Variants in ARK2N observed in about 807,000 individuals in gnomAD.
ARK2N encodes the protein protein ARK2N.
the ARK2N span, among the ~76,000 whole-genome samples, chr18:46,195,900 A>G: frequency 6.6e-6 from 1 of 151,642 alleles, no homozygotes; most frequent in African/African-American, 2.4e-5. Flanking sequence ...AAGAAACCCA[A>G]CCATTATACC....
chr18:46,198,140 A>G, the ARK2N span, among the ~76,000 whole-genome samples: 17 of 151,838 alleles, frequency 1.1e-4, no homozygotes, highest in African/African-American at 3.9e-4. Context: ...TGTCTCTACT[A>G]AAAATACAAA....
chr18:46,185,733 T>C, the ARK2N span, among the ~76,000 whole-genome samples: 1 of 152,316 alleles, frequency 6.6e-6, no homozygotes, highest in Non-Finnish European at 1.5e-5. Context: ...ATGCCTGTAA[T>C]CCCAGTACTT....
At chr18:46,234,772 G>C in the ARK2N span, among the ~76,000 whole-genome samples, 3 of 152,096 alleles carry the variant, frequency 2.0e-5, no homozygotes, top group African/African-American at 7.2e-5. Context: ...GGTGTTGTGT[G>C]GATAACAGAA....
chr18:46,187,268 C>T, the ARK2N span, among the ~76,000 whole-genome samples: 7 of 150,336 alleles, frequency 4.7e-5, no homozygotes, highest in Non-Finnish European at 7.4e-5. Context: ...GGTGACAGAG[C>T]GAGACTCTGT....
chr18:46,252,533 C>CA, the ARK2N span, among the ~76,000 whole-genome samples: 1 of 152,050 alleles, frequency 6.6e-6, no homozygotes, highest in South Asian at 2.1e-4. Flanking sequence ...CTTGGCCTCC[C>CA]AAAGTGCTGG....
At chr18:46,178,888 T>C in the ARK2N span, among the ~76,000 whole-genome samples, 1 of 136,072 alleles carries the variant, frequency 7.3e-6, no homozygotes, top group African/African-American at 3.0e-5. Flanking sequence ...CCTGAGACTC[T>C]TTCTCAAAAA....
chr18:46,182,483 C>A, the ARK2N span, among the ~76,000 whole-genome samples: 1 of 152,208 alleles, frequency 6.6e-6, no homozygotes, highest in East Asian at 1.9e-4. Context: ...GTAGCTCACA[C>A]CTGTAATCTC....
At chr18:46,245,416 A>G in the ARK2N span, among the ~76,000 whole-genome samples, 1 of 151,912 alleles carries the variant, frequency 6.6e-6, no homozygotes, top group Non-Finnish European at 1.5e-5. Context: ...AAAAAATACA[A>G]AAATTAGCTG....
the ARK2N span, among the ~76,000 whole-genome samples, chr18:46,200,196 C>T: frequency 2.6e-5 from 4 of 152,262 alleles, no homozygotes; most frequent in South Asian, 2.1e-4. Flanking sequence ...CATTTGCTAT[C>T]TATCTAATCA....
At chr18:46,203,802 G>A in the ARK2N span, among the ~76,000 whole-genome samples, 1 of 152,106 alleles carries the variant, frequency 6.6e-6, no homozygotes, top group East Asian at 1.9e-4. Flanking sequence ...GCCCAGGCTG[G>A]TCTCAAACTC....
the ARK2N span, chr18:46,263,190 T>C: frequency 7.2e-7 from 1 of 1,397,072 alleles, no homozygotes; most frequent in Non-Finnish European, 9.7e-7. Context: ...TGGAAGTTCA[T>C]TGTCATAGCT....
the ARK2N span, among the ~76,000 whole-genome samples, chr18:46,193,331 C>G: frequency 6.6e-4 from 101 of 152,162 alleles, no homozygotes; most frequent in African/African-American, 2.2e-3. Flanking sequence ...CCCTTGTCAC[C>G]CAGGCTGGAG....
At chr18:46,200,388 A>G in the ARK2N span, among the ~76,000 whole-genome samples, 1 of 151,822 alleles carries the variant, frequency 6.6e-6, no homozygotes, top group Admixed American at 6.6e-5. Flanking sequence ...GCTCACTGCA[A>G]CCTCTGCCTT....
the ARK2N span, among the ~76,000 whole-genome samples, chr18:46,192,961 CTGAGGT>C: frequency 1.3e-5 from 2 of 150,102 alleles, no homozygotes; most frequent in African/African-American, 2.4e-5. Flanking sequence ...CTTTGGGAGG[CTGAGGT>C]GGGCAGATTA....
At chr18:46,231,566 C>CTTTTTT in the ARK2N span, among the ~76,000 whole-genome samples, 4 of 100,782 alleles carry the variant, frequency 4.0e-5, no homozygotes, top group Non-Finnish European at 7.9e-5. Context: ...AGGTTTGGGG[C>CTTTTTT]TTTTTTTTTT....
chr18:46,223,618 C>G, the ARK2N span, among the ~76,000 whole-genome samples: 2 of 152,108 alleles, frequency 1.3e-5, no homozygotes, highest in East Asian at 3.9e-4. Context: ...AACAAATGCT[C>G]AATAGAGCAT....
the ARK2N span, chr18:46,266,472 T>G: frequency 4.6e-5 from 7 of 152,654 alleles, no homozygotes; most frequent in Non-Finnish European, 1.0e-4. Context: ...GCTGTTGTAT[T>G]TTTTCATTTT....
At chr18:46,179,852 C>T in the ARK2N span, among the ~76,000 whole-genome samples, 2 of 151,968 alleles carry the variant, frequency 1.3e-5, no homozygotes. Context: ...CTCAAACTCC[C>T]GACCTCAGGT....
chr18:46,192,245 A>G, the ARK2N span, among the ~76,000 whole-genome samples: 1 of 152,150 alleles, frequency 6.6e-6, no homozygotes, highest in Admixed American at 6.6e-5. Context: ...ATGTAGTGGT[A>G]GGTAGGATTT....
Sources: gnomAD v4.1 joint callset for allele counts (sites outside exome capture counted in the v4.1 genomes callset) on GRCh38, gnomAD v4.1.1 for gene constraint, MANE v1.5 for transcripts, NCBI Gene and HGNC (gene_info 2026-07-23, HGNC 2026-07-21) for gene names.